TRAPPC8: variants seen among roughly 807,000 people sequenced by gnomAD.
TRAPPC8 encodes general sporulation gene 1 homolog.
Under a neutral mutation model 174.3 loss-of-function variants are expected in TRAPPC8, and 54 were observed. That is an observed-to-expected ratio of 0.31 (90% CI 0.25 to 0.39). TRAPPC8 has a LOEUF of 0.39. Ranked by LOEUF, TRAPPC8 falls within the 10% of genes least tolerant of loss-of-function variation. The pLI is 1.00. For missense variants in TRAPPC8, 1,531 were observed against 1,699.1 expected (o/e 0.90, Z 1.74); for synonymous variants, 630 against 579.9 (o/e 1.09, Z -1.24).
chr18:31,862,120 A>G (rs1387283667), intron 19 of TRAPPC8, among the ~76,000 whole-genome samples: 2 of 152,160 alleles, frequency 1.3e-5, no homozygotes, highest in African/African-American at 4.8e-5. Flanking sequence ...AATGTTCATT[A>G]GTTCAAGACT....
At chr18:31,925,529 C>T (rs940361288) in intron 2 of TRAPPC8, among the ~76,000 whole-genome samples, 2 of 152,038 alleles carry the variant, frequency 1.3e-5, no homozygotes, top group Non-Finnish European at 1.5e-5. Flanking sequence ...TCAGGAAGTT[C>T]TACATCCAAC....
chr18:31,929,840 CAAG>C (rs1568149781), intron 2 of TRAPPC8, among the ~76,000 whole-genome samples: 1 of 152,042 alleles, frequency 6.6e-6, no homozygotes, highest in Non-Finnish European at 1.5e-5. Flanking sequence ...TTCCTTTCTC[CAAG>C]AAATACCCAA....
intron 20 of TRAPPC8, among the ~76,000 whole-genome samples, chr18:31,857,011 G>C (rs941028988): frequency 6.6e-6 from 1 of 152,040 alleles, no homozygotes. Context: ...ACAAAATATA[G>C]GTCATAGATC....
At chr18:31,908,212 A>T in intron 8 of TRAPPC8, 91 bp downstream of exon 8, 2 of 643,340 alleles carry the variant, frequency 3.1e-6, no homozygotes, top group Non-Finnish European at 4.7e-6. Context: ...CTAAGAAATT[A>T]AAGAGATAGT....
At chr18:31,934,926 G>C (rs1357913530) in intron 1 of TRAPPC8, among the ~76,000 whole-genome samples, 1 of 145,484 alleles carries the variant, frequency 6.9e-6, no homozygotes, top group Non-Finnish European at 1.5e-5. Flanking sequence ...CAGCCTGCTG[G>C]GCAACAGAGA....
chr18:31,928,790 C>G (rs149218027), intron 2 of TRAPPC8, among the ~76,000 whole-genome samples: 2,418 of 152,282 alleles, frequency 0.016, 29 homozygotes, highest in South Asian at 0.025. Flanking sequence ...ACAAAGCACA[C>G]AGCAGAAATC....
At chr18:31,906,193 T>C (rs949327554) in intron 9 of TRAPPC8, among the ~76,000 whole-genome samples, 7 of 144,356 alleles carry the variant, frequency 4.8e-5, no homozygotes, top group Non-Finnish European at 1.1e-4. Context: ...AAAAAAAAAT[T>C]AGATGGGTAT....
intron 14 of TRAPPC8, among the ~76,000 whole-genome samples, chr18:31,872,190 A>G (rs752452028): frequency 6.6e-6 from 1 of 152,122 alleles, no homozygotes; most frequent in Non-Finnish European, 1.5e-5. Context: ...TATCGATGGG[A>G]GCATGTAGTA....
intron 1 of TRAPPC8, among the ~76,000 whole-genome samples, chr18:31,942,023 C>T (rs8085470): frequency 0.071 from 10,768 of 152,252 alleles, 410 homozygotes; most frequent in Middle Eastern, 0.11. Context: ...AAAGCTGCTT[C>T]AAGTTTTATT....
intron 1 of TRAPPC8, among the ~76,000 whole-genome samples, chr18:31,936,266 C>T (rs1379742566): frequency 2.6e-5 from 4 of 151,584 alleles, no homozygotes; most frequent in Non-Finnish European, 5.9e-5. Context: ...CAAGAACAGC[C>T]TGGGAAACAC....
chr18:31,831,984 C>T (rs2032400523), intron 28 of TRAPPC8, 100 bp downstream of exon 28: 1 of 761,870 alleles, frequency 1.3e-6, no homozygotes, highest in Non-Finnish European at 2.0e-6. Flanking sequence ...CCAGGACAAG[C>T]TTGAGTAACT....
intron 12 of TRAPPC8, among the ~76,000 whole-genome samples, chr18:31,876,489 CAAAA>C (rs71175801): frequency 7.8e-4 from 38 of 48,710 alleles, no homozygotes; most frequent in South Asian, 4.6e-3. Context: ...GACTCCATCT[CAAAA>C]AAAAAAAAAA....
chr18:31,858,308 A>C (rs780457397), intron 19 of TRAPPC8, among the ~76,000 whole-genome samples: 3 of 152,246 alleles, frequency 2.0e-5, no homozygotes, highest in Non-Finnish European at 4.4e-5. Context: ...TAACACGGCT[A>C]TATGAAGTAA....
intron 4 of TRAPPC8, among the ~76,000 whole-genome samples, chr18:31,914,447 C>T (rs928752293): frequency 2.0e-5 from 3 of 152,300 alleles, no homozygotes; most frequent in Admixed American, 1.3e-4. Context: ...CTAGTTACAA[C>T]CATTCAATAC....
At chr18:31,873,393 G>A (rs1195083426) in intron 14 of TRAPPC8, 37 bp downstream of exon 14, 16 of 1,487,932 alleles carry the variant, frequency 1.1e-5, no homozygotes, top group Non-Finnish European at 1.5e-5. Flanking sequence ...TTTTTAAATT[G>A]TCATTAGGTA....
rs143693428 is a variant in TRAPPC8, at chr18:31,873,434, C to T, written c.2058G>A (p.Ala686=). Residue 686 remains alanine (A), a synonymous_variant, in exon 14 of 29, where the codon GCG becomes GCA. Coordinates refer to ENST00000283351, the MANE Select transcript of TRAPPC8 (RefSeq NM_014939.5). ...RVFFGHDRRP[A]DGEKQAATHV... ...GCTAAATAAAACTTTACTAACCATC[C>T]GCTGGTCGTCTGTCATGGCCAAAAA... 38 of 1,610,230 alleles carry T rather than the reference C, an allele frequency of 2.4e-5. No homozygotes were observed. The highest frequency in any genetic ancestry group is 1.1e-4 in the African/African-American group (8 of 74,626).
chr18:31,846,541 A>C (rs1364609612), intron 26 of TRAPPC8, among the ~76,000 whole-genome samples, 175 bp downstream of exon 26: 1 of 152,164 alleles, frequency 6.6e-6, no homozygotes, highest in African/African-American at 2.4e-5. Flanking sequence ...GTGCCATTGC[A>C]AACCAGCCTG....
At chr18:31,865,902 T>C (rs1273792512) in intron 18 of TRAPPC8, among the ~76,000 whole-genome samples, 7 of 152,004 alleles carry the variant, frequency 4.6e-5, no homozygotes, top group Non-Finnish European at 1.5e-5. Context: ...CAGAATACCT[T>C]ACTCAATTTT....
chr18:31,853,065 A>AT (rs1488912542), intron 22 of TRAPPC8, among the ~76,000 whole-genome samples: 3 of 152,188 alleles, frequency 2.0e-5, no homozygotes, highest in Non-Finnish European at 2.9e-5. Context: ...ATGTTTTCCC[A>AT]TAATTGCAGG....
Sources: allele counts gnomAD v4.1 joint callset (sites outside exome capture counted in the v4.1 genomes callset), GRCh38; gene constraint gnomAD v4.1.1; transcripts MANE v1.5; gene names NCBI Gene and HGNC (gene_info 2026-07-23, HGNC 2026-07-21).